EPS8: variants seen among roughly 807,000 people sequenced by gnomAD.
EPS8 encodes the protein EGFR pathway substrate 8, signaling adaptor.
EPS8 carries 42 observed loss-of-function variants against 103.8 expected under a neutral mutation model. That is an observed-to-expected ratio of 0.40 (90% CI 0.32 to 0.52). The LOEUF (loss-of-function observed/expected upper bound fraction) is 0.52, where lower values mean the gene tolerates loss of function less well. Among genes scored for constraint, EPS8 ranks in the 20% least tolerant of loss-of-function variants. The probability of loss-of-function intolerance (pLI) is 0.40; values close to 1 mark genes in which losing one functional copy is unlikely to be tolerated. For missense variants in EPS8, 969 were observed against 1,005.1 expected (o/e 0.96, Z 0.49); for synonymous variants, 344 against 344.6 (o/e 1.00, Z 0.02).
chr12:15,752,653 T>C lies in EPS8; in HGVS notation c.-22+36508A>G, dbSNP rs1016004964. Among the ~76,000 whole-genome samples the C allele has an allele frequency of 6.6e-6, 1 of 151,996 alleles. No individual in the cohort carries two copies. The highest frequency in any genetic ancestry group is 1.5e-5 in the Non-Finnish European group (1 of 68,008). The stretch of plus-strand genomic sequence containing the variant: ...TTATAATTGTAATAACCAATGGGTA[T>C]GATTTCCCTTCTCCTGCTCAGGAGG... On this transcript the variant is annotated intron_variant, in intron 1 of 20. Transcript: ENST00000281172. This position sits in a 1 kb window ranked among gnomAD's most constrained non-coding sequence, Gnocchi z 4.4.
chr12:15,678,181 CTT>C (rs1945942493), intron 3 of EPS8, among the ~76,000 whole-genome samples: 1 of 151,996 alleles, frequency 6.6e-6, no homozygotes, highest in South Asian at 2.1e-4. Context: ...TAAAAAAAAA[CTT>C]CAACTAGAAT....
At chr12:15,763,175 T>C (rs1370793679) in intron 1 of EPS8, among the ~76,000 whole-genome samples, 2 of 152,276 alleles carry the variant, frequency 1.3e-5, no homozygotes, top group East Asian at 3.9e-4. Flanking sequence ...TAGGAGTTGC[T>C]TGTTGTTGTT....
At chr12:15,743,589 G>A (rs1946846329) in intron 1 of EPS8, among the ~76,000 whole-genome samples, 1 of 152,082 alleles carries the variant, frequency 6.6e-6, no homozygotes, top group Non-Finnish European at 1.5e-5. Flanking sequence ...ACAGAATAGA[G>A]CCCTGAGAAA....
Position 15,772,632 on chromosome 12 carries a change from G to C in EPS8, c.-22+16529C>G, listed in dbSNP as rs527872157. On this transcript the variant is annotated intron_variant, in intron 1 of 20. Coordinates refer to ENST00000281172, the MANE Select transcript of EPS8 (RefSeq NM_004447.6). The surrounding 1 kb of genome is among the most constrained non-coding windows in gnomAD (Gnocchi z 5.0). ...AGAACTTACTTGAGAGTTTCACTTA[G>C]GAAGAATTTTGGATACCTATTCCAT... is the stretch of plus-strand genomic sequence containing the variant. 6.6e-6 allele frequency among the ~76,000 whole-genome samples: 1 copy of C among 152,228 alleles called. No individual in the cohort carries two copies. Among genetic ancestry groups the C allele is most frequent in the Admixed American group, 6.5e-5 (1 of 15,286 alleles).
intron 1 of EPS8, among the ~76,000 whole-genome samples, chr12:15,723,542 A>C (rs1276003791): frequency 6.6e-6 from 1 of 151,854 alleles, no homozygotes; most frequent in Non-Finnish European, 1.5e-5. Flanking sequence ...TTTTTCCTGA[A>C]GACCAAAATA....
At chr12:15,662,238 G>C (rs966274528) in intron 8 of EPS8, 139 bp from the exon 9 acceptor site, 2 of 1,487,742 alleles carry the variant, frequency 1.3e-6, no homozygotes, top group African/African-American at 2.8e-5. Flanking sequence ...AGTCAAAACT[G>C]TGCTCATCAG....
Position 15,725,525 on chromosome 12 carries a change from C to T in EPS8, c.-21-42553G>A, listed in dbSNP as rs368765173. On this transcript the variant is annotated intron_variant, in intron 1 of 20. Coordinates refer to ENST00000281172, the MANE Select transcript of EPS8 (RefSeq NM_004447.6). The surrounding 1 kb of genome is among the most constrained non-coding windows in gnomAD (Gnocchi z 4.5). ...GTGCACATACATTTTGTAGTTTACA[C>T]GGCACTTCATTTACATTGTCCTGCC... 2.6e-5 allele frequency among the ~76,000 whole-genome samples: 4 copies of T among 151,138 alleles called. No individual in the cohort carries two copies. The highest frequency in any genetic ancestry group is 4.4e-5 in the Non-Finnish European group (3 of 67,908).
intron 1 of EPS8, chr12:15,712,753 T>C (rs1371431365): frequency 6.3e-6 from 3 of 478,672 alleles, no homozygotes; most frequent in Non-Finnish European, 8.2e-6. Flanking sequence ...ACTAAAAGTA[T>C]TGCTACATGT....
rs1179003894 is a variant in EPS8 at position 15,701,545 on chromosome 12, C to T, written c.-21-18573G>A. On this transcript the variant is annotated intron_variant, in intron 1 of 20. Coordinates refer to ENST00000281172, the MANE Select transcript of EPS8 (RefSeq NM_004447.6). This position sits in a 1 kb window ranked among gnomAD's most constrained non-coding sequence, Gnocchi z 5.1. ...ATTAACATTTCACATCTACATAATC[C>T]ATGCCTGGATTCAGGTATGTCCTTC... Among the ~76,000 whole-genome samples, 1 of 152,172 alleles carries T rather than the reference C, an allele frequency of 6.6e-6. No homozygotes were observed. The highest frequency in any genetic ancestry group is 1.5e-5 in the Non-Finnish European group (1 of 68,028).
At chr12:15,756,283 CA>C (rs1238735782) in intron 1 of EPS8, among the ~76,000 whole-genome samples, 1 of 152,100 alleles carries the variant, frequency 6.6e-6, no homozygotes, top group African/African-American at 2.4e-5. Flanking sequence ...AAAGAGATAA[CA>C]ATGAAATAAA....
At chr12:15,663,952 T>TA (rs1565487312) in intron 8 of EPS8, among the ~76,000 whole-genome samples, 6 of 31,016 alleles carry the variant, frequency 1.9e-4, no homozygotes, top group African/African-American at 1.1e-3. Context: ...AAAAATAATA[T>TA]ATATATATAT....
chr12:15,656,153 G>C (rs1196515070), intron 12 of EPS8, among the ~76,000 whole-genome samples: 2 of 152,254 alleles, frequency 1.3e-5, no homozygotes, highest in East Asian at 3.9e-4. Context: ...ATCTCTGAAA[G>C]TGTGTGAAAT....
At position 15,759,657 on chromosome 12, in the gene EPS8, A is replaced by G. The variant is rs923350968; in HGVS notation, c.-22+29504T>C. Among the ~76,000 whole-genome samples, 1 of 152,106 alleles carries G rather than the reference A, an allele frequency of 6.6e-6. No homozygotes were observed. The highest frequency in any genetic ancestry group is 1.5e-5 in the Non-Finnish European group (1 of 67,962). On this transcript the variant is annotated intron_variant, in intron 1 of 20. Transcript: ENST00000281172. The surrounding 1 kb of genome is among the most constrained non-coding windows in gnomAD (Gnocchi z 4.9). ...AGGAATAAAACTAGAAATCAATAAC[A>G]AGAGAAATTTTGGAAAATATACTAG...
intron 3 of EPS8, among the ~76,000 whole-genome samples, chr12:15,680,098 CA>C (rs1354156931): frequency 6.6e-6 from 1 of 151,992 alleles, no homozygotes; most frequent in African/African-American, 2.4e-5. Flanking sequence ...AAACTGAAAC[CA>C]ACAACAATCA....
At chr12:15,722,479 A>T (rs1236100796) in intron 1 of EPS8, among the ~76,000 whole-genome samples, 1 of 152,218 alleles carries the variant, frequency 6.6e-6, no homozygotes, top group Non-Finnish European at 1.5e-5. Context: ...ATGTTGTCTT[A>T]ATGTAAAATT....
At chr12:15,660,570 G>A (rs950031001) in intron 10 of EPS8, 44 bp downstream of exon 10, 2 of 963,952 alleles carry the variant, frequency 2.1e-6, no homozygotes, top group African/African-American at 1.6e-5. Flanking sequence ...AGCCAGTACT[G>A]GAGATCTAAC....
At position 15,780,826 on chromosome 12, in the gene EPS8, T is replaced by C. The variant is rs527900583; in HGVS notation, c.-22+8335A>G. The C allele has an allele frequency of 3.3e-5, 5 of 152,270 alleles. No individual in the cohort carries two copies. Among genetic ancestry groups the C allele is most frequent in the South Asian group, 4.2e-4 (2 of 4,814 alleles). 9.4% of individuals were successfully genotyped at this position (152,270 alleles called of 1,614,324 possible). A position where few individuals can be genotyped will look rare whatever the true frequency, so the allele number is the denominator to read the frequency against. Reference sequence around the variant, plus strand: ...AAACACTCGATAAAAGATGAATGAATAAACAAATGAAATGTAGTAATGCTC... The same window carrying C: ...AAACACTCGATAAAAGATGAATGAACAAACAAATGAAATGTAGTAATGCTC... On this transcript the variant is annotated intron_variant, in intron 1 of 20. Transcript: ENST00000281172. This position sits in a 1 kb window ranked among gnomAD's most constrained non-coding sequence, Gnocchi z 4.1.
intron 3 of EPS8, among the ~76,000 whole-genome samples, chr12:15,673,507 A>C (rs1945851698): frequency 1.3e-5 from 2 of 152,142 alleles, no homozygotes; most frequent in Admixed American, 1.3e-4. Flanking sequence ...ATCTCACCAA[A>C]GCCTTAAAAC....
intron 2 of EPS8, among the ~76,000 whole-genome samples, 157 bp from the exon 3 acceptor site, chr12:15,681,459 G>A (rs1219315571): frequency 4.6e-5 from 7 of 151,806 alleles, no homozygotes; most frequent in African/African-American, 7.2e-5. Flanking sequence ...GGCCAGGCAC[G>A]GTGGCTCACG....
Sources: allele counts gnomAD v4.1 joint callset (sites outside exome capture counted in the v4.1 genomes callset), GRCh38; gene constraint gnomAD v4.1.1; non-coding constraint Gnocchi (gnomAD v3.1); transcripts MANE v1.5; gene names NCBI Gene and HGNC (gene_info 2026-07-23, HGNC 2026-07-21).